The following B4GALNT2 variants were observed in gnomAD, a reference collection of about 807,000 sequenced individuals.
B4GALNT2 encodes the protein N-acetylneuraminylgalactosylglucosyl-glucoside beta-1,4-N- acetylgalactosaminyltransferase 2.
Under a neutral mutation model 51.1 loss-of-function variants are expected in B4GALNT2, and 42 were observed. The ratio of observed to expected loss-of-function variants is 0.82; its 90% CI spans 0.64 to 1.06. The LOEUF is 1.06. Among genes scored for constraint, B4GALNT2 ranks in the 50% least tolerant of loss-of-function variants. B4GALNT2 has a pLI of 0.00. For synonymous variants in B4GALNT2, 253 were observed against 251.7 expected (o/e 1.01, Z -0.05); for missense variants, 602 against 633.6 (o/e 0.95, Z 0.54).
chr17:49,147,332 T>A (rs979891279), intron 3 of B4GALNT2, among the ~76,000 whole-genome samples: 1 of 152,112 alleles, frequency 6.6e-6, no homozygotes, highest in Non-Finnish European at 1.5e-5. Flanking sequence ...TTTTTTCCTC[T>A]TCTTTTCTTG....
the B4GALNT2 span, among the ~76,000 whole-genome samples, chr17:49,120,520 A>T: frequency 9.1e-6 from 1 of 109,690 alleles, no homozygotes; most frequent in African/African-American, 3.5e-5. Context: ...GTGTGTGTGT[A>T]TGTGTGAAAC....
intron 7 of B4GALNT2, among the ~76,000 whole-genome samples, chr17:49,162,911 T>TAA (rs1214037628): frequency 2.3e-3 from 2 of 874 alleles, no homozygotes; most frequent in Admixed American, 8.5e-3. Flanking sequence ...AGAAACTGTC[T>TAA]CAAAAAAAAA....
chr17:49,162,935 A>AAAC (rs2042878117), intron 7 of B4GALNT2, among the ~76,000 whole-genome samples: 2 of 146,194 alleles, frequency 1.4e-5, no homozygotes, highest in Non-Finnish European at 3.0e-5. Context: ...AAAAAAAAAA[A>AAAC]GGGCAAGAGG....
chr17:49,125,779 C>T, the B4GALNT2 span, among the ~76,000 whole-genome samples: 3 of 129,558 alleles, frequency 2.3e-5, no homozygotes, highest in African/African-American at 8.5e-5. Flanking sequence ...CGTCCGGCCG[C>T]CCCGTCCGGG....
intron 3 of B4GALNT2, among the ~76,000 whole-genome samples, chr17:49,149,668 C>T (rs1289382096): frequency 6.6e-6 from 1 of 152,132 alleles, no homozygotes; most frequent in Non-Finnish European, 1.5e-5. Context: ...GAAAAATACA[C>T]GTATAAGGAT....
rs1265552630 is a variant in B4GALNT2 at position 49,171,612 on chromosome 17, G to T, written c.*1884G>T. On this transcript the variant is annotated 3_prime_UTR_variant, in exon 11 of 11. Transcript: ENST00000393354. The stretch of plus-strand genomic sequence containing the variant: ...TATACCGCCACGTTTCCAGATAATG[G>T]GAACTCTTGCTGTATTTCTTACCAT... The T allele has an allele frequency of 2.5e-6, 1 of 403,516 alleles. No individual in the cohort carries two copies. The highest frequency in any genetic ancestry group is 3.2e-5 in the Admixed American group (1 of 31,350). The allele number at this position is 403,516 out of a possible 1,614,324, so 25.0% of individuals were successfully genotyped here.
upstream of B4GALNT2, chr17:49,132,322 G>A (rs2042546500): frequency 6.0e-6 from 1 of 165,704 alleles, no homozygotes; most frequent in African/African-American, 2.4e-5. Flanking sequence ...CCCGTTAGAA[G>A]GATTCAGCCA....
At position 49,173,002 on chromosome 17, in the gene B4GALNT2, C is replaced by G. The variant is rs188463652; in HGVS notation, c.*3274C>G. ...GCTGGATAATAGCTTTAGCTTCTTT[C>G]CAGGTAATGCCGTATCTGTGTTTGA... On this transcript the variant is annotated 3_prime_UTR_variant, in exon 11 of 11. Coordinates refer to ENST00000393354, the MANE Select transcript of B4GALNT2 (RefSeq NM_001159387.2). 1 of 152,208 alleles carries G rather than the reference C, an allele frequency of 6.6e-6. No individual in the cohort carries two copies. The highest frequency in any genetic ancestry group is 1.9e-4 in the East Asian group (1 of 5,204). 9.4% of individuals were successfully genotyped at this position (152,208 alleles called of 1,614,324 possible). A position where few individuals can be genotyped will look rare whatever the true frequency, so the allele number is the denominator to read the frequency against.
chr17:49,152,208 C>G (rs1222876643), intron 3 of B4GALNT2, among the ~76,000 whole-genome samples: 2 of 152,020 alleles, frequency 1.3e-5, no homozygotes, highest in Non-Finnish European at 2.9e-5. Flanking sequence ...GAGACCCTAT[C>G]TCTACAAAAA....
Position 49,159,090 on chromosome 17 carries a change from C to T in B4GALNT2, c.552C>T (p.Asp184=). 1 of 1,614,240 alleles carries T rather than the reference C, an allele frequency of 6.2e-7. No individual in the cohort carries two copies. The highest frequency in any genetic ancestry group is 8.5e-7 in the Non-Finnish European group (1 of 1,180,038). The change falls in exon 6 of 11, where the codon GAC becomes GAT. Residue 184 remains aspartate (D), a synonymous_variant. Coordinates refer to ENST00000393354, the MANE Select transcript of B4GALNT2 (RefSeq NM_001159387.2). ...GTLNTLADVP[D]SVVQGRGQKQ... ...TGAACACCCTTGCTGATGTCCCAGA[C>T]AGTGTGGTGCAGGGCAGAGGCCAGA...
Position 49,159,142 on chromosome 17 carries a change from C to A in B4GALNT2, c.604C>A (p.Arg202=), listed in dbSNP as rs750016761. ...QKQLIISTSD[R]KLLKFILQHV... is the part of the protein sequence containing the mutation. Reference sequence around the variant, plus strand: ...GCAGCTGATCATTTCTACCAGTGACCGGAAGCTGTTGAAGTTCATTCTTCA... The same window carrying A: ...GCAGCTGATCATTTCTACCAGTGACAGGAAGCTGTTGAAGTTCATTCTTCA... The change falls in exon 6 of 11, where the codon CGG becomes AGG. Residue 202 remains arginine, a synonymous_variant. Coordinates refer to ENST00000393354, the MANE Select transcript of B4GALNT2 (RefSeq NM_001159387.2). The A allele has an allele frequency of 1.9e-6, 3 of 1,614,154 alleles. No homozygotes were observed. Among genetic ancestry groups the A allele is most frequent in the Non-Finnish European group, 8.5e-7 (1 of 1,180,026 alleles).
At chr17:49,138,574 G>A (rs1166667981) in intron 1 of B4GALNT2, among the ~76,000 whole-genome samples, 2 of 152,080 alleles carry the variant, frequency 1.3e-5, no homozygotes, top group Admixed American at 6.6e-5. Context: ...TGATCATTGC[G>A]TGGAGTAATC....
chr17:49,133,926 AAACAAAAC>A (rs2042565405), intron 1 of B4GALNT2, among the ~76,000 whole-genome samples: 2 of 150,794 alleles, frequency 1.3e-5, no homozygotes, highest in African/African-American at 2.5e-5. Flanking sequence ...ACAAACAAAC[AAACAAAAC>A]AAACAAACAA....
At chr17:49,148,642 C>A in intron 3 of B4GALNT2, 1 of 558,780 alleles carries the variant, frequency 1.8e-6, no homozygotes, top group Non-Finnish European at 3.3e-6. Context: ...TGCACAAAGC[C>A]TCCGGACTTG....
chr17:49,125,372 C>G, the B4GALNT2 span, among the ~76,000 whole-genome samples: 2 of 152,126 alleles, frequency 1.3e-5, no homozygotes, highest in African/African-American at 4.8e-5. Context: ...GTTGGCCAGG[C>G]TGATCTCGAA....
At chr17:49,121,639 A>G in the B4GALNT2 span, among the ~76,000 whole-genome samples, 4 of 152,198 alleles carry the variant, frequency 2.6e-5, no homozygotes, top group African/African-American at 4.8e-5. Context: ...GAATTTGCCA[A>G]TTTGTCAAAG....
At chr17:49,138,125 G>A (rs2042606564) in intron 1 of B4GALNT2, among the ~76,000 whole-genome samples, 1 of 152,072 alleles carries the variant, frequency 6.6e-6, no homozygotes, top group Non-Finnish European at 1.5e-5. Flanking sequence ...ACAAGTATTG[G>A]GCAGGCCATT....
chr17:49,171,000 T>C lies in B4GALNT2; in HGVS notation c.*1272T>C, dbSNP rs1002055313. 1.9e-5 allele frequency: 3 copies of C among 155,216 alleles called. No homozygotes were observed. The highest frequency in any genetic ancestry group is 7.2e-5 in the African/African-American group (3 of 41,466). 9.6% of individuals were successfully genotyped at this position (155,216 alleles called of 1,614,324 possible). A position where few individuals can be genotyped will look rare whatever the true frequency, so the allele number is the denominator to read the frequency against. On this transcript the variant is annotated 3_prime_UTR_variant, in exon 11 of 11. Coordinates refer to ENST00000393354, the MANE Select transcript of B4GALNT2 (RefSeq NM_001159387.2). Reference sequence around the variant, plus strand: ...GCTTTAAGCGGTTTTCCACCCTGGGTGGGCCAGGTGTTCCTTGCCCTTATT... The same window carrying C: ...GCTTTAAGCGGTTTTCCACCCTGGGCGGGCCAGGTGTTCCTTGCCCTTATT...
chr17:49,169,078 C>T (rs2042937645), intron 10 of B4GALNT2, among the ~76,000 whole-genome samples, 178 bp downstream of exon 10: 1 of 152,128 alleles, frequency 6.6e-6, no homozygotes, highest in Non-Finnish European at 1.5e-5. Flanking sequence ...TCTTACCTCC[C>T]TCCTCACGTC....
Sources: allele counts gnomAD v4.1 joint callset (sites outside exome capture counted in the v4.1 genomes callset), GRCh38; gene constraint gnomAD v4.1.1; transcripts MANE v1.5; gene names NCBI Gene and HGNC (gene_info 2026-07-23, HGNC 2026-07-21).